Variants in COPB1 observed in about 807,000 individuals in gnomAD.
COPB1 encodes coatomer subunit beta.
COPB1 carries 21 observed loss-of-function variants against 108.7 expected under a neutral mutation model. That is an observed-to-expected ratio of 0.19 (90% confidence interval 0.14 to 0.28). The LOEUF is 0.28. Ranked by LOEUF, COPB1 falls within the 10% of genes least tolerant of loss-of-function variation. The pLI is 1.00. For missense variants in COPB1, 919 were observed against 1,141.3 expected (o/e 0.81, Z 2.81); for synonymous variants, 378 against 386.8 (o/e 0.98, Z 0.27).
intron 18 of COPB1, among the ~76,000 whole-genome samples, chr11:14,461,827 G>A (rs527288438): frequency 3.3e-5 from 5 of 152,076 alleles, no homozygotes; most frequent in Admixed American, 1.3e-4. Flanking sequence ...AGTATTAATG[G>A]GGAATTGCTT....
At chr11:14,476,057 G>C in intron 12 of COPB1, 112 bp from the exon 13 acceptor site, 1 of 858,520 alleles carries the variant, frequency 1.2e-6, no homozygotes, top group Non-Finnish European at 1.7e-6. Context: ...GGGATTTTTG[G>C]AACTGGGAAC....
chr11:14,497,536 A>G (rs1342396947), intron 2 of COPB1, among the ~76,000 whole-genome samples: 1 of 152,210 alleles, frequency 6.6e-6, no homozygotes, highest in African/African-American at 2.4e-5. Context: ...AAAGACAAGC[A>G]AAAACAAATG....
At chr11:14,497,580 A>G (rs1031127331) in intron 2 of COPB1, among the ~76,000 whole-genome samples, 3 of 152,210 alleles carry the variant, frequency 2.0e-5, no homozygotes, top group African/African-American at 7.2e-5. Flanking sequence ...GAACCCTCGT[A>G]CACTGTTGGT....
At chr11:14,468,207 G>A (rs915721369) in intron 16 of COPB1, among the ~76,000 whole-genome samples, 8 of 152,180 alleles carry the variant, frequency 5.3e-5, no homozygotes, top group Non-Finnish European at 7.3e-5. Context: ...CAGTCTAATA[G>A]ATGAGGGATC....
Position 14,464,954 on chromosome 11 carries a change from G to A in COPB1, c.2367C>T (p.Val789=), listed in dbSNP as rs765719809. Residue 789 remains valine (V), a synonymous_variant, in exon 18 of 22, where the codon GTC becomes GTT. Coordinates refer to ENST00000439561, the MANE Select transcript of COPB1 (RefSeq NM_001144061.2). ...PHDFANIKAN[V]KVASTENGII... The stretch of plus-strand genomic sequence containing the variant: ...TTCCATTTTCTGTTGATGCTACTTT[G>A]ACGTTAGCTTTAATATTTGCGAAGT... 12 of 1,613,418 alleles carry A rather than the reference G, an allele frequency of 7.4e-6. No homozygotes were observed. In the South Asian group the frequency reaches 1.2e-4, roughly 16 times the overall value.
chr11:14,459,392 T>A (rs1037549044), intron 20 of COPB1, among the ~76,000 whole-genome samples: 2 of 152,172 alleles, frequency 1.3e-5, no homozygotes. Context: ...ATTTTATTTA[T>A]AAAATGAATA....
intron 6 of COPB1, among the ~76,000 whole-genome samples, chr11:14,487,884 G>T (rs1197190019): frequency 6.6e-6 from 1 of 152,064 alleles, no homozygotes; most frequent in Non-Finnish European, 1.5e-5. Context: ...CCTATGTTTT[G>T]TTGGCCTCTA....
intron 14 of COPB1, among the ~76,000 whole-genome samples, chr11:14,472,980 C>T (rs1460877246): frequency 1.3e-5 from 2 of 151,924 alleles, no homozygotes; most frequent in African/African-American, 4.8e-5. Flanking sequence ...CTTTCTTCTT[C>T]TTTTTTTTCC....
At chr11:14,463,316 T>C (rs1405771616) in intron 18 of COPB1, among the ~76,000 whole-genome samples, 1 of 152,150 alleles carries the variant, frequency 6.6e-6, no homozygotes, top group Non-Finnish European at 1.5e-5. Flanking sequence ...TAGTTTATTT[T>C]TACTTATTTA....
intron 6 of COPB1, 134 bp from the exon 7 acceptor site, chr11:14,486,638 G>A (rs1850782956): frequency 1.9e-6 from 2 of 1,057,284 alleles, no homozygotes. Context: ...ATGAGGACAT[G>A]AAAATATCAG....
chr11:14,470,926 ACACACACACACACACACACT>A (rs1450003044), intron 14 of COPB1, among the ~76,000 whole-genome samples: 2 of 133,006 alleles, frequency 1.5e-5, no homozygotes, highest in Non-Finnish European at 3.1e-5. Flanking sequence ...ACACACACAC[ACACACACACACACACACACT>A]CTCTCTCTCT....
At chr11:14,457,960 C>A (rs1850064102) in intron 21 of COPB1, 77 bp from the exon 22 acceptor site, 4 of 755,358 alleles carry the variant, frequency 5.3e-6, no homozygotes, top group Non-Finnish European at 6.2e-6. Context: ...TATTAAGCCC[C>A]AATTCAATTC....
chr11:14,460,457 G>C (rs141058262), intron 19 of COPB1, among the ~76,000 whole-genome samples, 160 bp from the exon 20 acceptor site: 2 of 152,100 alleles, frequency 1.3e-5, no homozygotes, highest in Admixed American at 1.3e-4. Context: ...CAAGCTGTAG[G>C]TTGGTATCAG....
intron 17 of COPB1, 147 bp downstream of exon 17, chr11:14,466,135 T>C (rs930022808): frequency 5.5e-5 from 43 of 788,476 alleles, no homozygotes; most frequent in Non-Finnish European, 8.0e-5. Flanking sequence ...TTAAGGAAAC[T>C]AAATGATAAA....
At position 14,480,845 on chromosome 11, in the gene COPB1, T is replaced by C; in HGVS notation, c.1126A>G (p.Thr376Ala). 1 of 1,614,012 alleles carries C rather than the reference T, an allele frequency of 6.2e-7. No homozygotes were observed. Among genetic ancestry groups the C allele is most frequent in the Non-Finnish European group, 8.5e-7 (1 of 1,179,864 alleles). Residue 376 changes from threonine to alanine, a missense_variant, in exon 10 of 22, where the codon ACT becomes GCT. Around this residue, in one of 5 missense-constraint regions of COPB1, gnomAD observed 705 missense variants for 817.8 expected, o/e 0.86. Coordinates refer to ENST00000439561, the MANE Select transcript of COPB1 (RefSeq NM_001144061.2). ...KTNNVSEHED[T>A]DKYRQLLVRT... ...ACTAGGAGTTGTCTGTATTTGTCAG[T>C]ATCTTCATGCTCAGACACATTATTT...
At chr11:14,475,706 A>G in intron 13 of COPB1, 79 bp downstream of exon 13, 3 of 1,328,872 alleles carry the variant, frequency 2.3e-6, no homozygotes, top group Non-Finnish European at 2.9e-6. Flanking sequence ...GCAAGAGGAA[A>G]GAAATCATTT....
At chr11:14,465,515 G>A (rs542862471) in intron 17 of COPB1, among the ~76,000 whole-genome samples, 2 of 152,226 alleles carry the variant, frequency 1.3e-5, no homozygotes, top group South Asian at 2.1e-4. Context: ...TTGATTTTTT[G>A]TAGAGATTGG....
rs979429266 is a variant in COPB1 at position 14,498,779 on chromosome 11, GTTT to G, written c.91+56_91+58del. 89 of 1,372,924 alleles carry G rather than the reference GTTT, an allele frequency of 6.5e-5. 1 individual carries two copies. In the Admixed American group the frequency reaches 1.6e-3, roughly 24 times the overall value. 85.0% of individuals were successfully genotyped at this position (1,372,924 alleles called of 1,614,324 possible). Reference sequence around the variant, plus strand: ...AATTATAAAGGAATATGAAATATGAGTTTTTTATTTTTGTTTTTTCTTTTTTCA... The same window carrying G: ...AATTATAAAGGAATATGAAATATGAGTTTATTTTTGTTTTTTCTTTTTTCA... On this transcript the variant is annotated intron_variant, in intron 2 of 21. Coordinates refer to ENST00000439561, the MANE Select transcript of COPB1 (RefSeq NM_001144061.2).
intron 2 of COPB1, among the ~76,000 whole-genome samples, chr11:14,498,619 C>T (rs1851079879): frequency 6.6e-6 from 1 of 152,134 alleles, no homozygotes; most frequent in African/African-American, 2.4e-5. Context: ...TAAACTATTA[C>T]AATTTCTTTA....
Sources: allele counts gnomAD v4.1 joint callset (sites outside exome capture counted in the v4.1 genomes callset), GRCh38; gene constraint gnomAD v4.1.1; regional missense constraint gnomAD v4.1.1; transcripts MANE v1.5; gene names NCBI Gene and HGNC (gene_info 2026-07-23, HGNC 2026-07-21).